The following PDE1C variants were observed in gnomAD, a reference collection of about 807,000 sequenced individuals.
PDE1C encodes phosphodiesterase 1C, also known as dual specificity calcium/calmodulin-dependent 3',5'-cyclic nucleotide phosphodiesterase 1C.
Under a neutral mutation model 93.1 loss-of-function variants are expected in PDE1C, and 62 were observed. That is an observed-to-expected ratio of 0.67 (90% CI 0.54 to 0.82). PDE1C has a LOEUF of 0.82. PDE1C is among the 40% of genes least tolerant of loss of function. The pLI is 0.00. For synonymous variants in PDE1C, 325 were observed against 310.1 expected (o/e 1.05, Z -0.50); for missense variants, 742 against 884.6 (o/e 0.84, Z 2.04).
intron 3 of PDE1C, among the ~76,000 whole-genome samples, chr7:32,151,161 G>C (rs1451501628): frequency 6.6e-6 from 1 of 152,046 alleles, no homozygotes; most frequent in Non-Finnish European, 1.5e-5. Context: ...AAACACAATA[G>C]TGTTTCTTAG....
intron 2 of PDE1C, among the ~76,000 whole-genome samples, chr7:31,963,453 C>G (rs1477067390): frequency 6.6e-6 from 1 of 152,182 alleles, no homozygotes; most frequent in South Asian, 2.1e-4. Flanking sequence ...TTATGTCCCA[C>G]AGTAAAGGAC....
chr7:31,775,741 A>G lies in PDE1C; in HGVS notation c.1892-9T>C, dbSNP rs188497043. 1 of 1,610,832 alleles carries G rather than the reference A, an allele frequency of 6.2e-7. No homozygotes were observed. The highest frequency in any genetic ancestry group is 1.3e-5 in the African/African-American group (1 of 74,992). On this transcript the variant is annotated splice_polypyrimidine_tract_variant and intron_variant, in intron 16 of 17. Transcript: ENST00000396191. ...AGAACGCTGTTTTGTGCCTGTGAAG[A>G]GGAAAAAGAGGATAAGGAAAAGTAG...
chr7:31,666,252 A>C, the PDE1C span, among the ~76,000 whole-genome samples: 1 of 152,214 alleles, frequency 6.6e-6, no homozygotes, highest in Non-Finnish European at 1.5e-5. Context: ...GAAAACTGAA[A>C]AAGTTAAGGT....
intron 3 of PDE1C, among the ~76,000 whole-genome samples, chr7:32,163,449 C>G (rs546134179): frequency 3.3e-4 from 51 of 152,248 alleles, no homozygotes; most frequent in African/African-American, 1.1e-3. Context: ...TCTGACAAGG[C>G]CTTAATCTCA....
chr7:31,975,030 T>G (rs1811472574), intron 2 of PDE1C, among the ~76,000 whole-genome samples: 1 of 152,200 alleles, frequency 6.6e-6, no homozygotes, highest in Admixed American at 6.5e-5. Flanking sequence ...CTTGTCTTTT[T>G]TTGCCACCTG....
intron 1 of PDE1C, among the ~76,000 whole-genome samples, chr7:32,063,965 C>T (rs1795094714): frequency 6.6e-6 from 1 of 152,116 alleles, no homozygotes; most frequent in African/African-American, 2.4e-5. Flanking sequence ...GCTCCTAGCA[C>T]CTAGTACATA....
intron 9 of PDE1C, 38 bp from the exon 10 acceptor site, chr7:31,838,009 C>A: frequency 1.5e-6 from 2 of 1,311,024 alleles, no homozygotes; most frequent in Admixed American, 1.9e-5. Flanking sequence ...GGATGGAAGT[C>A]AAAAATGGAA....
At position 31,960,236 on chromosome 7, in the gene PDE1C, A is replaced by G. The variant is rs566126691; in HGVS notation, c.129-79376T>C. 6.6e-5 allele frequency among the ~76,000 whole-genome samples: 10 copies of G among 152,222 alleles called. No homozygotes were observed. The East Asian group carries it at 1.5e-3, about 24-fold the overall frequency. ...AAGAAAACTGAAGCGCACTATTTTA[A>G]CCCAGTGATCAAAGTGAAAAGCCCA... On this transcript the variant is annotated intron_variant, in intron 2 of 17. Coordinates refer to ENST00000396191, the MANE Select transcript of PDE1C (RefSeq NM_001191057.4).
At chr7:32,112,844 GTGTATATATA>G (rs1322269745) in intron 3 of PDE1C, among the ~76,000 whole-genome samples, 5 of 54,140 alleles carry the variant, frequency 9.2e-5, no homozygotes, top group African/African-American at 2.1e-4. Context: ...GTGTGTGTGT[GTGTATATATA>G]TATATATATA....
At chr7:31,909,446 T>A (rs1435538670) in intron 2 of PDE1C, among the ~76,000 whole-genome samples, 1 of 152,124 alleles carries the variant, frequency 6.6e-6, no homozygotes, top group African/African-American at 2.4e-5. Context: ...TTGTGCTTTA[T>A]CTCTCAGATT....
chr7:32,150,174 G>A (rs1290657693), intron 3 of PDE1C, among the ~76,000 whole-genome samples: 1 of 152,202 alleles, frequency 6.6e-6, no homozygotes. Flanking sequence ...TTCCCAAAGT[G>A]CCCTGGCTGG....
intron 1 of PDE1C, among the ~76,000 whole-genome samples, chr7:32,254,374 T>C (rs1809630944): frequency 6.6e-6 from 1 of 152,130 alleles, no homozygotes; most frequent in East Asian, 1.9e-4. Context: ...TGCACATTCA[T>C]GAGAAGGCAC....
At position 31,812,597 on chromosome 7, in the gene PDE1C, C is replaced by A. The variant is rs141400359; in HGVS notation, c.1813+3327G>T. Among the ~76,000 whole-genome samples, 45 of 152,076 alleles carry A rather than the reference C, an allele frequency of 3.0e-4. No homozygotes were observed. In the East Asian group the frequency reaches 7.5e-3, roughly 26 times the overall value. On this transcript the variant is annotated intron_variant, in intron 15 of 17. Coordinates refer to ENST00000396191, the MANE Select transcript of PDE1C (RefSeq NM_001191057.4). ...TTATGTAGAATTCAAATTTTAATTT[C>A]TATAAATAAAGTTTTATTGGAAAAC...
At chr7:31,992,497 C>G (rs959725999) in intron 2 of PDE1C, among the ~76,000 whole-genome samples, 1 of 152,190 alleles carries the variant, frequency 6.6e-6, no homozygotes, top group African/African-American at 2.4e-5. Context: ...GGATGTGATG[C>G]TGAGACCTCA....
chr7:32,363,391 T>G (rs1002439025), intron 1 of PDE1C, among the ~76,000 whole-genome samples: 9 of 152,242 alleles, frequency 5.9e-5, no homozygotes, highest in African/African-American at 2.2e-4. Context: ...TCCAAGCCAG[T>G]GCATCTCCAC....
chr7:31,662,853 C>A, the PDE1C span, among the ~76,000 whole-genome samples: 1 of 152,232 alleles, frequency 6.6e-6, no homozygotes, highest in Admixed American at 6.5e-5. Context: ...GATTTCTTTT[C>A]TCTAATATTT....
intron 3 of PDE1C, among the ~76,000 whole-genome samples, chr7:32,166,133 A>G (rs912139700): frequency 4.6e-5 from 7 of 152,196 alleles, no homozygotes; most frequent in Non-Finnish European, 1.0e-4. Flanking sequence ...CACATGCAAC[A>G]AAACATCATA....
intron 17 of PDE1C, among the ~76,000 whole-genome samples, chr7:31,762,836 A>G (rs1261440611): frequency 6.6e-6 from 1 of 152,194 alleles, no homozygotes; most frequent in African/African-American, 2.4e-5. Flanking sequence ...CTAGTATGGT[A>G]TGGAAAGATG....
At chr7:32,228,089 A>G (rs570171223) in intron 1 of PDE1C, among the ~76,000 whole-genome samples, 1 of 152,364 alleles carries the variant, frequency 6.6e-6, no homozygotes, top group African/African-American at 2.4e-5. Flanking sequence ...CATATGTGAG[A>G]TAACACCTCT....
Sources: gnomAD v4.1 joint callset for allele counts (sites outside exome capture counted in the v4.1 genomes callset) on GRCh38, gnomAD v4.1.1 for gene constraint, MANE v1.5 for transcripts, NCBI Gene and HGNC (gene_info 2026-07-23, HGNC 2026-07-21) for gene names.